MANBAL: variants seen among roughly 807,000 people sequenced by gnomAD.
MANBAL encodes the protein protein MANBAL.
A neutral mutation model predicts 6.4 loss-of-function variants in MANBAL; 1 was observed. The ratio of observed to expected loss-of-function variants is 0.16; its 90% CI spans 0.06 to 0.74. The LOEUF (loss-of-function observed/expected upper bound fraction) is 0.74. Among genes scored for constraint, MANBAL ranks in the 30% least tolerant of loss-of-function variants. The probability of loss-of-function intolerance (pLI) is 0.78; values close to 1 mark genes in which losing one functional copy is unlikely to be tolerated. For missense variants in MANBAL, 100 were observed against 107.8 expected, an observed-to-expected ratio of 0.93 and a Z score of 0.32; for synonymous variants, 47 against 45.8, an observed-to-expected ratio of 1.03 and a Z score of -0.10.
chr20:37,312,251 C>G (rs970577494), intron 2 of MANBAL, among the ~76,000 whole-genome samples: 1 of 152,126 alleles, frequency 6.6e-6, no homozygotes. Context: ...GCTGTAGGGA[C>G]TTTAGTCACA....
intron 2 of MANBAL, 33 bp from the exon 3 acceptor site, chr20:37,316,275 C>T: frequency 6.3e-7 from 1 of 1,593,302 alleles, no homozygotes; most frequent in Non-Finnish European, 8.6e-7. Flanking sequence ...CTTGATCCAT[C>T]TAAGCAGGAC....
chr20:37,310,657 T>C (rs909560302), intron 2 of MANBAL, among the ~76,000 whole-genome samples: 4 of 152,232 alleles, frequency 2.6e-5, no homozygotes, highest in Non-Finnish European at 4.4e-5. Flanking sequence ...TATTTGGATC[T>C]GATGAATAGC....
intron 1 of MANBAL, among the ~76,000 whole-genome samples, chr20:37,290,322 G>C (rs1346140179): frequency 6.6e-6 from 1 of 152,242 alleles, no homozygotes; most frequent in Non-Finnish European, 1.5e-5. Context: ...ACTTTGCCCA[G>C]AGAGGTGGCT....
chr20:37,300,123 C>T (rs1211228701), intron 1 of MANBAL, among the ~76,000 whole-genome samples: 2 of 152,188 alleles, frequency 1.3e-5, no homozygotes, highest in Non-Finnish European at 2.9e-5. Context: ...CAGATCATGT[C>T]ACTTTTCTGC....
At chr20:37,294,004 C>T (rs185020592) in intron 1 of MANBAL, among the ~76,000 whole-genome samples, 9 of 152,304 alleles carry the variant, frequency 5.9e-5, no homozygotes, top group Non-Finnish European at 1.2e-4. Flanking sequence ...CCAAGCTGGT[C>T]GCAAACTGCC....
intron 2 of MANBAL, among the ~76,000 whole-genome samples, chr20:37,304,953 GA>G (rs1171965987): frequency 8.6e-6 from 1 of 115,774 alleles, no homozygotes; most frequent in Non-Finnish European, 1.8e-5. Flanking sequence ...TGTGGAGGGA[GA>G]TGAGAAGAGG....
chr20:37,296,614 T>C (rs1372742834), intron 1 of MANBAL, among the ~76,000 whole-genome samples: 1 of 152,238 alleles, frequency 6.6e-6, no homozygotes, highest in East Asian at 1.9e-4. Flanking sequence ...CTTCCTGTTT[T>C]TCAGTATTAT....
chr20:37,315,737 G>A (rs1195410430), intron 2 of MANBAL, among the ~76,000 whole-genome samples: 1 of 152,172 alleles, frequency 6.6e-6, no homozygotes, highest in Non-Finnish European at 1.5e-5. Context: ...CCCACCTGCC[G>A]GCTGGCCCTC....
chr20:37,311,811 G>A (rs555830613), intron 2 of MANBAL, among the ~76,000 whole-genome samples: 2 of 152,248 alleles, frequency 1.3e-5, no homozygotes, highest in African/African-American at 2.4e-5. Context: ...TAGGAAAATC[G>A]ACTCTGAAAG....
intron 1 of MANBAL, among the ~76,000 whole-genome samples, chr20:37,298,126 C>G (rs1482833540): frequency 3.9e-5 from 6 of 152,170 alleles, no homozygotes; most frequent in Admixed American, 3.9e-4. Flanking sequence ...TTTGAGGCTA[C>G]AGTGAGTTAT....
Position 37,294,761 on chromosome 20 carries a change from CT to C in MANBAL, c.-57+5076del, listed in dbSNP as rs200442388. ...CCTGTATGTATTGTAATACTCACCC[CT>C]GACATTGCATGTGTATGTGTGTATG... is the stretch of plus-strand genomic sequence containing the variant. On this transcript the variant is annotated intron_variant, in intron 1 of 2. Coordinates refer to ENST00000373606, the MANE Select transcript of MANBAL (RefSeq NM_001003897.2). Among the ~76,000 whole-genome samples, 849 of 152,316 alleles carry C rather than the reference CT, an allele frequency of 5.6e-3. 10 individuals carry two copies. The highest frequency in any genetic ancestry group is 0.019 in the African/African-American group (806 of 41,566).
Position 37,292,953 on chromosome 20 carries a change from A to G in MANBAL, c.-57+3267A>G, listed in dbSNP as rs186479947. On this transcript the variant is annotated intron_variant, in intron 1 of 2. Transcript: ENST00000373606. ...TTGCTTCTAGGCCTTCGCAGTGGAC[A>G]GAGTAAGAGACATACGTATATATGC... is the stretch of plus-strand genomic sequence containing the variant. Among the ~76,000 whole-genome samples the G allele has an allele frequency of 9.8e-5, 15 of 152,370 alleles. 1 individual carries two copies. Among genetic ancestry groups the G allele is most frequent in the South Asian group, 2.1e-4 (1 of 4,832 alleles).
At chr20:37,302,149 CT>C in intron 2 of MANBAL, 1 of 1,332,774 alleles carries the variant, frequency 7.5e-7, no homozygotes, top group Non-Finnish European at 1.0e-6. Context: ...CTCCCATTTG[CT>C]CGTGACATTG....
At chr20:37,305,046 T>A (rs2069226179) in intron 2 of MANBAL, among the ~76,000 whole-genome samples, 1 of 152,136 alleles carries the variant, frequency 6.6e-6, no homozygotes, top group Non-Finnish European at 1.5e-5. Flanking sequence ...AAAACCTTGG[T>A]GAACAGGGAT....
intron 2 of MANBAL, chr20:37,302,259 C>T (rs1452923436): frequency 1.9e-6 from 3 of 1,550,408 alleles, no homozygotes; most frequent in Non-Finnish European, 2.6e-6. Context: ...TTTCTCTGTT[C>T]CCTGTGTTTC....
chr20:37,290,972 A>G lies in MANBAL; in HGVS notation c.-57+1286A>G, dbSNP rs149318188. Among the ~76,000 whole-genome samples the G allele has an allele frequency of 8.7e-4, 132 of 152,308 alleles. 3 individuals are homozygous for G. The South Asian group carries it at 0.025, about 29-fold the overall frequency. ...GTCTGTTTTCAGCTGAATTTTCACA[A>G]TAGAATTTAAAGTTACTTCATTAGA... On this transcript the variant is annotated intron_variant, in intron 1 of 2. Coordinates refer to ENST00000373606, the MANE Select transcript of MANBAL (RefSeq NM_001003897.2).
chr20:37,293,983 C>T (rs2068933331), intron 1 of MANBAL, among the ~76,000 whole-genome samples: 1 of 152,208 alleles, frequency 6.6e-6, no homozygotes, highest in Non-Finnish European at 1.5e-5. Context: ...AACTGGGTCT[C>T]ACTATGTTGC....
chr20:37,302,449 A>G (rs1303437581), intron 2 of MANBAL: 3 of 1,158,422 alleles, frequency 2.6e-6, no homozygotes, highest in Non-Finnish European at 3.6e-6. Context: ...GTATCAGCTG[A>G]TCCCTCCATT....
chr20:37,306,732 G>A (rs1421716382), intron 2 of MANBAL, among the ~76,000 whole-genome samples: 1 of 152,214 alleles, frequency 6.6e-6, no homozygotes, highest in Non-Finnish European at 1.5e-5. Flanking sequence ...ATTGCTTGGT[G>A]GCCATGGTGA....
Sources: allele counts gnomAD v4.1 joint callset (sites outside exome capture counted in the v4.1 genomes callset), GRCh38; gene constraint gnomAD v4.1.1; transcripts MANE v1.5; gene names NCBI Gene and HGNC (gene_info 2026-07-23, HGNC 2026-07-21).